NAV2: variants seen among roughly 807,000 people sequenced by gnomAD.
The protein encoded by NAV2 is helicase, APC down-regulated 1.
In NAV2, 54 loss-of-function variants were observed where a neutral mutation model predicts 223.2. The observed-to-expected ratio is 0.24, with a 90% CI of 0.19 to 0.30. The LOEUF (loss-of-function observed/expected upper bound fraction) is 0.30. Among genes scored for constraint, NAV2 ranks in the 10% least tolerant of loss-of-function variants. The pLI, the probability that NAV2 is intolerant of heterozygous loss-of-function variation, is 1.00. For missense variants in NAV2, 2,806 were observed against 3,147.5 expected, an observed-to-expected ratio of 0.89 and a Z score of 2.60; for synonymous variants, 1,279 against 1,239.3, an observed-to-expected ratio of 1.03 and a Z score of -0.67.
intron 1 of NAV2, among the ~76,000 whole-genome samples, chr11:19,593,111 C>T (rs2046108453): frequency 6.6e-6 from 1 of 152,206 alleles, no homozygotes; most frequent in Non-Finnish European, 1.5e-5. Flanking sequence ...AAAGATCTCC[C>T]TTGTGCAGCC....
intron 1 of NAV2, among the ~76,000 whole-genome samples, chr11:19,741,526 TATAAG>T (rs2052804577): frequency 6.8e-6 from 1 of 146,224 alleles, no homozygotes; most frequent in Non-Finnish European, 1.5e-5. Context: ...AGATTCCACA[TATAAG>T]AGAGATCATG....
At chr11:19,381,463 T>A (rs1278476806) in intron 1 of NAV2, among the ~76,000 whole-genome samples, 1 of 152,236 alleles carries the variant, frequency 6.6e-6, no homozygotes, top group Non-Finnish European at 1.5e-5. Context: ...TTTCAAAATC[T>A]GGGTGCCTGT....
Position 19,533,800 on chromosome 11 carries a change from G to A in NAV2, c.75+182773G>A, listed in dbSNP as rs1387484458. On this transcript the variant is annotated intron_variant, in intron 1 of 37. Coordinates refer to the NAV2 transcript ENST00000360655. ...CGGCTCACTGCAAGCTCCGCCTCCC[G>A]GGTTCACGCCATTCTCCTGCCTCAG... is the stretch of plus-strand genomic sequence containing the variant. Among the ~76,000 whole-genome samples the A allele has an allele frequency of 6.9e-5, 9 of 130,960 alleles. 1 individual carries two copies. Among genetic ancestry groups the A allele is most frequent in the African/African-American group, 3.4e-4 (8 of 23,536 alleles). The allele number at this position is 130,960 out of a possible 152,430, so 85.9% of individuals were successfully genotyped here. A position where few individuals can be genotyped will look rare whatever the true frequency, so the allele number is the denominator to read the frequency against.
chr11:19,872,925 G>A (rs7116164), intron 4 of NAV2, among the ~76,000 whole-genome samples: 12,173 of 152,214 alleles, frequency 0.08, 1,211 homozygotes, highest in African/African-American at 0.24. Context: ...AGTCCTGTGA[G>A]CTTGGGCCTC....
intron 1 of NAV2, among the ~76,000 whole-genome samples, chr11:19,700,345 GCAAT>G (rs2049475989): frequency 6.6e-6 from 1 of 152,200 alleles, no homozygotes; most frequent in Non-Finnish European, 1.5e-5. Flanking sequence ...TCACACGTAT[GCAAT>G]CAAATTCCAA....
At chr11:19,370,860 C>T (rs1234774240) in intron 1 of NAV2, among the ~76,000 whole-genome samples, 1 of 152,214 alleles carries the variant, frequency 6.6e-6, no homozygotes, top group African/African-American at 2.4e-5. Flanking sequence ...CAGCAGCCAG[C>T]TGGGCTCTCC....
At chr11:19,568,901 C>A (rs4338501) in intron 1 of NAV2, among the ~76,000 whole-genome samples, 2 of 152,026 alleles carry the variant, frequency 1.3e-5, no homozygotes, top group Non-Finnish European at 2.9e-5. Context: ...ATGTACTGCC[C>A]TGGGTCTCCT....
intron 5 of NAV2, among the ~76,000 whole-genome samples, chr11:19,890,458 C>T (rs1380996984): frequency 2.6e-5 from 4 of 152,190 alleles, no homozygotes; most frequent in Non-Finnish European, 5.9e-5. Context: ...CTCTTCATTG[C>T]TTTTTGCTTC....
chr11:19,427,765 G>C (rs534991497), intron 1 of NAV2, among the ~76,000 whole-genome samples: 1 of 152,294 alleles, frequency 6.6e-6, no homozygotes, highest in South Asian at 2.1e-4. Flanking sequence ...TAAATTATGA[G>C]TGAAGCCGAA....
At chr11:19,701,828 A>T (rs1565179266) in intron 1 of NAV2, among the ~76,000 whole-genome samples, 1 of 152,024 alleles carries the variant, frequency 6.6e-6, no homozygotes, top group Non-Finnish European at 1.5e-5. Flanking sequence ...TTTGCCTTGG[A>T]TTTGGAGAGG....
At chr11:19,947,857 T>C (rs1591375439) in intron 9 of NAV2, among the ~76,000 whole-genome samples, 2 of 152,074 alleles carry the variant, frequency 1.3e-5, no homozygotes. Context: ...AAGTGAACTT[T>C]AGAGGGTTAG....
At chr11:19,426,264 G>A (rs1160632912) in intron 1 of NAV2, among the ~76,000 whole-genome samples, 1 of 152,104 alleles carries the variant, frequency 6.6e-6, no homozygotes, top group Non-Finnish European at 1.5e-5. Context: ...CCAAAGAAGG[G>A]GTCAGATGGG....
intron 1 of NAV2, among the ~76,000 whole-genome samples, chr11:19,754,788 C>T (rs76326721): frequency 0.037 from 5,622 of 152,268 alleles, 346 homozygotes; most frequent in African/African-American, 0.13. Flanking sequence ...GGATTGAGCT[C>T]ATCTTGTATA....
At chr11:19,395,704 C>G (rs184349838) in intron 1 of NAV2, among the ~76,000 whole-genome samples, 1 of 152,334 alleles carries the variant, frequency 6.6e-6, no homozygotes, top group East Asian at 1.9e-4. Context: ...ACTGATGGCT[C>G]TGGGATTGAT....
intron 12 of NAV2, among the ~76,000 whole-genome samples, chr11:20,040,633 G>A (rs576920604): frequency 7.3e-4 from 111 of 152,286 alleles, no homozygotes; most frequent in African/African-American, 2.5e-3. Context: ...GAAGTCCCTT[G>A]TGCGTGGCTT....
At chr11:19,397,824 C>A (rs1295551793) in intron 1 of NAV2, among the ~76,000 whole-genome samples, 5 of 152,058 alleles carry the variant, frequency 3.3e-5, no homozygotes, top group Non-Finnish European at 7.4e-5. Flanking sequence ...ACCGGGAGGA[C>A]TGGACTATAT....
intron 1 of NAV2, among the ~76,000 whole-genome samples, chr11:19,819,662 G>A (rs565269066): frequency 2.0e-5 from 3 of 152,252 alleles, no homozygotes; most frequent in Admixed American, 1.3e-4. Context: ...TGGAGATGAC[G>A]GAAATAATGA....
intron 1 of NAV2, among the ~76,000 whole-genome samples, chr11:19,515,496 A>G (rs1369160786): frequency 6.6e-6 from 1 of 152,316 alleles, no homozygotes; most frequent in African/African-American, 2.4e-5. Flanking sequence ...AAGAAATTTA[A>G]AATTCTACAA....
intron 1 of NAV2, among the ~76,000 whole-genome samples, chr11:19,442,944 A>G (rs1443936688): frequency 4.6e-5 from 7 of 152,102 alleles, no homozygotes; most frequent in African/African-American, 1.2e-4. Flanking sequence ...CCCTTTTAGG[A>G]TAAGATCTGA....
Sources: allele counts gnomAD v4.1 joint callset (sites outside exome capture counted in the v4.1 genomes callset), GRCh38; gene constraint gnomAD v4.1.1; transcripts MANE v1.5; gene names NCBI Gene and HGNC (gene_info 2026-07-23, HGNC 2026-07-21).